The following UBXN2B variants were observed in gnomAD, a reference collection of about 807,000 sequenced individuals.
UBXN2B encodes UBX domain protein 2B, also known as UBX domain-containing protein 2B.
In UBXN2B, 19 loss-of-function variants were observed where a neutral mutation model predicts 37.5. The ratio of observed to expected loss-of-function variants is 0.51; its 90% confidence interval spans 0.35 to 0.74. The LOEUF is 0.74. Ranked by LOEUF, UBXN2B falls within the 30% of genes least tolerant of loss-of-function variation. The probability of loss-of-function intolerance (pLI) is 0.01; values close to 1 mark genes in which losing one functional copy is unlikely to be tolerated. For missense variants in UBXN2B, 370 were observed against 393.2 expected (o/e 0.94, Z 0.50); for synonymous variants, 145 against 143.8 (o/e 1.01, Z -0.06).
chr8:58,417,416 C>G (rs544533199), intron 2 of UBXN2B, among the ~76,000 whole-genome samples: 2 of 152,256 alleles, frequency 1.3e-5, no homozygotes, highest in East Asian at 3.9e-4. Context: ...GTCTTTTGTC[C>G]TCCATTTAAG....
chr8:58,431,137 A>G (rs933754962), intron 3 of UBXN2B, among the ~76,000 whole-genome samples: 5 of 152,166 alleles, frequency 3.3e-5, no homozygotes, highest in African/African-American at 1.2e-4. Flanking sequence ...TGCCATCCCT[A>G]ACCTCTAGCC....
intron 5 of UBXN2B, among the ~76,000 whole-genome samples, chr8:58,437,478 C>T (rs985117835): frequency 6.6e-6 from 1 of 151,910 alleles, no homozygotes; most frequent in Non-Finnish European, 1.5e-5. Context: ...CAGGTGCTCA[C>T]CACCACGCCT....
At chr8:58,427,241 T>C (rs1808125381) in intron 2 of UBXN2B, among the ~76,000 whole-genome samples, 1 of 152,132 alleles carries the variant, frequency 6.6e-6, no homozygotes, top group African/African-American at 2.4e-5. Flanking sequence ...GGCTGAAGCA[T>C]TGCAGATCGC....
chr8:58,419,146 A>C (rs985684483), intron 2 of UBXN2B, among the ~76,000 whole-genome samples: 1 of 152,226 alleles, frequency 6.6e-6, no homozygotes, highest in African/African-American at 2.4e-5. Flanking sequence ...CTTAAAATAT[A>C]TAGGTTGAGA....
chr8:58,449,533 A>G lies in UBXN2B; in HGVS notation c.*1982A>G, dbSNP rs1011336161. Reference sequence around the variant, plus strand: ...TTCTGGGACATAATTCCAACTGTGCACTTGTGAACCTAGAAAACAAGTTAT... The same window carrying G: ...TTCTGGGACATAATTCCAACTGTGCGCTTGTGAACCTAGAAAACAAGTTAT... On this transcript the variant is annotated 3_prime_UTR_variant, in exon 8 of 8. Coordinates refer to ENST00000399598, the MANE Select transcript of UBXN2B (RefSeq NM_001077619.2). 3 of 152,182 alleles carry G rather than the reference A, an allele frequency of 2.0e-5. No homozygotes were observed. Among genetic ancestry groups the G allele is most frequent in the African/African-American group, 7.2e-5 (3 of 41,450 alleles). The allele number at this position is 152,182 out of a possible 1,614,324, so 9.4% of individuals were successfully genotyped here.
intron 2 of UBXN2B, chr8:58,424,928 T>C (rs1245163021): frequency 1.8e-5 from 15 of 834,114 alleles, no homozygotes; most frequent in Non-Finnish European, 2.8e-5. Context: ...TCAACACCTT[T>C]CTCTCTGTTG....
intron 1 of UBXN2B, chr8:58,413,157 C>A (rs1197476743): frequency 6.6e-6 from 1 of 152,136 alleles, no homozygotes; most frequent in Non-Finnish European, 1.5e-5. Context: ...TTCATTTCCA[C>A]CCTAAGTTAT....
chr8:58,418,923 T>A (rs576212729), intron 2 of UBXN2B, among the ~76,000 whole-genome samples: 3 of 152,364 alleles, frequency 2.0e-5, no homozygotes, highest in Admixed American at 6.5e-5. Context: ...GTTGAATGAC[T>A]TAATATTTGA....
At chr8:58,440,244 G>A (rs1340107680) in intron 6 of UBXN2B, among the ~76,000 whole-genome samples, 2 of 152,152 alleles carry the variant, frequency 1.3e-5, no homozygotes, top group Non-Finnish European at 2.9e-5. Flanking sequence ...AATTGTAAAG[G>A]GTTGTCGATG....
At chr8:58,411,811 G>C (rs139340822) in intron 1 of UBXN2B, among the ~76,000 whole-genome samples, 3 of 152,360 alleles carry the variant, frequency 2.0e-5, no homozygotes, top group Non-Finnish European at 4.4e-5. Flanking sequence ...GGTTACTGTG[G>C]CCGCAGGGAA....
chr8:58,422,847 C>T (rs550770868), intron 2 of UBXN2B, among the ~76,000 whole-genome samples: 6 of 152,348 alleles, frequency 3.9e-5, no homozygotes, highest in South Asian at 4.1e-4. Flanking sequence ...ATTTCTCAGT[C>T]TTTCAGCTTG....
At chr8:58,429,795 C>A (rs1389401695) in intron 2 of UBXN2B, among the ~76,000 whole-genome samples, 1 of 152,046 alleles carries the variant, frequency 6.6e-6, no homozygotes, top group East Asian at 1.9e-4. Context: ...GTCATCTTAC[C>A]CTGGAAGTCT....
chr8:58,433,286 CTA>C, intron 4 of UBXN2B, 43 bp downstream of exon 4: 2 of 1,486,392 alleles, frequency 1.3e-6, no homozygotes, highest in Middle Eastern at 1.9e-4. Context: ...ATATTTGCTT[CTA>C]GTTACTAAAA....
rs1808778196 is a variant in UBXN2B at position 58,450,485 on chromosome 8, G to C, written c.*2934G>C. The stretch of plus-strand genomic sequence containing the variant: ...CATTTTTTACCAACAGTCTATTCAT[G>C]ATGATTTAGATATTCTATGGCAATC... On this transcript the variant is annotated 3_prime_UTR_variant, in exon 8 of 8. Coordinates refer to ENST00000399598, the MANE Select transcript of UBXN2B (RefSeq NM_001077619.2). 6.6e-6 allele frequency: 1 copy of C among 152,160 alleles called. No individual in the cohort carries two copies. The highest frequency in any genetic ancestry group is 2.4e-5 in the African/African-American group (1 of 41,430). 9.4% of individuals were successfully genotyped at this position (152,160 alleles called of 1,614,324 possible). A position where few individuals can be genotyped will look rare whatever the true frequency, so the allele number is the denominator to read the frequency against.
At chr8:58,440,250 C>T (rs752267875) in intron 6 of UBXN2B, among the ~76,000 whole-genome samples, 13 of 152,126 alleles carry the variant, frequency 8.5e-5, no homozygotes, top group Non-Finnish European at 1.6e-4. Flanking sequence ...AAAGGGTTGT[C>T]GATGAGATAA....
chr8:58,442,475 A>G (rs2129604595), intron 6 of UBXN2B, among the ~76,000 whole-genome samples: 1 of 152,366 alleles, frequency 6.6e-6, no homozygotes, highest in South Asian at 2.1e-4. Flanking sequence ...AGCAAGTAAA[A>G]CAGAAATGAA....
Position 58,421,360 on chromosome 8 carries a change from G to T in UBXN2B, c.188+4407G>T, listed in dbSNP as rs146494444. ...CCTTTTAGTTTTTTTTTTTTTTAAA[G>T]CTATTAAGACTGTGAAATTTGTCTT... On this transcript the variant is annotated intron_variant, in intron 2 of 7. Coordinates refer to ENST00000399598, the MANE Select transcript of UBXN2B (RefSeq NM_001077619.2). 1.6e-4 allele frequency among the ~76,000 whole-genome samples: 24 copies of T among 149,958 alleles called. No homozygotes were observed. The East Asian group carries it at 3.9e-3, about 24-fold the overall frequency.
Position 58,433,239 on chromosome 8 carries a change from A to G in UBXN2B, c.419A>G (p.Gln140Arg), listed in dbSNP as rs768159329. The G allele has an allele frequency of 1.4e-5, 23 of 1,608,570 alleles. No individual in the cohort carries two copies. The highest frequency in any genetic ancestry group is 1.7e-4 in the Middle Eastern group (1 of 6,016). ...TATATCTATGGAGAAAATCAGCTGC[A>G]AGATGTAGGTACAATAATCAAAATG... is the stretch of plus-strand genomic sequence containing the variant. The part of the protein sequence containing the change: ...SEYIYGENQL[Q>R]DVQILLKLWS... The change falls in exon 4 of 8, where the codon CAA (glutamine) becomes CGA (arginine). Residue 140 changes from glutamine to arginine, a missense_variant. Physicochemically the swap from Gln to Arg is conservative, Grantham distance 43. Coordinates refer to ENST00000399598, the MANE Select transcript of UBXN2B (RefSeq NM_001077619.2).
rs1380888337 is a variant in UBXN2B, at chr8:58,411,484, CG to C, written c.84+20del. Reference sequence around the variant, plus strand: ...GGGATTTGCAGGTGAGGCGAGGAGCCGGGGGAGGGAGCGCGGCGGTGGACGC... The same window carrying C: ...GGGATTTGCAGGTGAGGCGAGGAGCCGGGGAGGGAGCGCGGCGGTGGACGC... On this transcript the variant is annotated intron_variant, in intron 1 of 7. Coordinates refer to ENST00000399598, the MANE Select transcript of UBXN2B (RefSeq NM_001077619.2). The C allele has an allele frequency of 3.2e-6, 4 of 1,249,098 alleles. No individual in the cohort carries two copies. The highest frequency in any genetic ancestry group is 2.0e-6 in the Non-Finnish European group (2 of 992,352). 77.4% of individuals were successfully genotyped at this position (1,249,098 alleles called of 1,614,324 possible). A position where few individuals can be genotyped will look rare whatever the true frequency, so the allele number is the denominator to read the frequency against.
Sources: gnomAD v4.1 joint callset for allele counts (sites outside exome capture counted in the v4.1 genomes callset) on GRCh38, gnomAD v4.1.1 for gene constraint, MANE v1.5 for transcripts, NCBI Gene and HGNC (gene_info 2026-07-23, HGNC 2026-07-21) for gene names.